The following NPAS3 variants were observed in gnomAD, a reference collection of about 807,000 sequenced individuals.
NPAS3 encodes the protein neuronal PAS domain protein 3.
Under a neutral mutation model 73.1 loss-of-function variants are expected in NPAS3, and 14 were observed. The ratio of observed to expected loss-of-function variants is 0.19; its 90% confidence interval spans 0.13 to 0.30. NPAS3 has a LOEUF of 0.30. Ranked by LOEUF, NPAS3 falls within the 10% of genes least tolerant of loss-of-function variation. The pLI is 1.00. For synonymous variants in NPAS3, 620 were observed against 541.5 expected, an observed-to-expected ratio of 1.14 and a Z score of -2.01; for missense variants, 1,096 against 1,250.0, an observed-to-expected ratio of 0.88 and a Z score of 1.86.
chr14:33,065,741 G>A (rs1297990699), intron 2 of NPAS3, among the ~76,000 whole-genome samples: 1 of 151,880 alleles, frequency 6.6e-6, no homozygotes, highest in Non-Finnish European at 1.5e-5. Context: ...CCAATGAGAA[G>A]AGGCCTATTT....
chr14:33,173,693 T>C (rs1205632842), intron 2 of NPAS3, among the ~76,000 whole-genome samples: 1 of 152,216 alleles, frequency 6.6e-6, no homozygotes, highest in Non-Finnish European at 1.5e-5. Context: ...TGACTTTTTA[T>C]ACTTTGAATG....
At chr14:33,557,386 T>A (rs2055408451) in intron 4 of NPAS3, among the ~76,000 whole-genome samples, 1 of 152,184 alleles carries the variant, frequency 6.6e-6, no homozygotes, top group Admixed American at 6.5e-5. Context: ...CCCTCTGTCT[T>A]CTACCCACAA....
intron 4 of NPAS3, among the ~76,000 whole-genome samples, chr14:33,496,910 G>T (rs776578847): frequency 6.6e-5 from 10 of 151,882 alleles, no homozygotes; most frequent in Non-Finnish European, 1.0e-4. Context: ...AAGTCAAATT[G>T]TCTGTTTACA....
At chr14:33,522,602 C>T (rs1027594449) in intron 4 of NPAS3, among the ~76,000 whole-genome samples, 6 of 151,892 alleles carry the variant, frequency 4.0e-5, no homozygotes, top group African/African-American at 1.5e-4. Flanking sequence ...GAAACAATAC[C>T]CCCATTTTTC....
At chr14:33,057,719 C>T (rs1267169249) in intron 2 of NPAS3, among the ~76,000 whole-genome samples, 1 of 152,148 alleles carries the variant, frequency 6.6e-6, no homozygotes, top group African/African-American at 2.4e-5. Flanking sequence ...GGCAGCACAG[C>T]TGTGACTGCC....
At chr14:33,684,674 A>G (rs1487837808) in intron 6 of NPAS3, among the ~76,000 whole-genome samples, 4 of 152,208 alleles carry the variant, frequency 2.6e-5, no homozygotes, top group African/African-American at 9.6e-5. Flanking sequence ...CATTATAGGC[A>G]CAGTTCAACC....
chr14:33,197,529 A>G (rs965178204), intron 2 of NPAS3, among the ~76,000 whole-genome samples: 4 of 152,162 alleles, frequency 2.6e-5, no homozygotes, highest in African/African-American at 7.2e-5. Flanking sequence ...TGTCAGAAAA[A>G]AAAAAGAGAA....
intron 1 of NPAS3, among the ~76,000 whole-genome samples, chr14:32,956,844 A>G (rs377347238): frequency 2.6e-5 from 4 of 152,206 alleles, no homozygotes; most frequent in African/African-American, 9.6e-5. Context: ...ACACATCTAA[A>G]ATATGCCCCC....
chr14:32,995,486 T>C (rs1798014739), intron 1 of NPAS3, among the ~76,000 whole-genome samples: 1 of 152,204 alleles, frequency 6.6e-6, no homozygotes, highest in Non-Finnish European at 1.5e-5. Flanking sequence ...CTTTAAAAGC[T>C]TCCACTGGTG....
At chr14:33,492,030 A>AG (rs1446982145) in intron 4 of NPAS3, among the ~76,000 whole-genome samples, 1 of 152,140 alleles carries the variant, frequency 6.6e-6, no homozygotes, top group Admixed American at 6.6e-5. Flanking sequence ...CTACAGTTTG[A>AG]GTTTTTCTTG....
At chr14:33,414,441 C>T (rs762099813) in intron 4 of NPAS3, among the ~76,000 whole-genome samples, 23 of 151,994 alleles carry the variant, frequency 1.5e-4, no homozygotes, top group African/African-American at 4.3e-4. Flanking sequence ...ATATCATGAG[C>T]GGTTCAAAGA....
rs186980956 is a variant in NPAS3, at chr14:32,943,846, G to A, written c.50+4480G>A. On this transcript the variant is annotated intron_variant, in intron 1 of 11. Coordinates refer to ENST00000356141, the Ensembl canonical transcript of NPAS3. ...TGGGACTACAGGCACATGCCAATACGCCCAGCTAATTTTTGTATTTTTAGT... is the reference window on the plus strand; with the variant it reads ...TGGGACTACAGGCACATGCCAATACACCCAGCTAATTTTTGTATTTTTAGT... Among the ~76,000 whole-genome samples the A allele has an allele frequency of 6.4e-4, 97 of 151,968 alleles. 2 individuals are homozygous for A. In the East Asian group the frequency reaches 0.013, roughly 20 times the overall value.
chr14:33,758,344 C>A (rs964392085), intron 7 of NPAS3, among the ~76,000 whole-genome samples: 5 of 152,210 alleles, frequency 3.3e-5, no homozygotes, highest in Admixed American at 3.3e-4. Flanking sequence ...AATGCTGCCT[C>A]CTCCCTGAAA....
At chr14:33,329,322 A>G (rs977655823) in intron 3 of NPAS3, among the ~76,000 whole-genome samples, 1 of 152,170 alleles carries the variant, frequency 6.6e-6, no homozygotes, top group Non-Finnish European at 1.5e-5. Context: ...CGCTACCAGC[A>G]TGACTTGGGG....
intron 1 of NPAS3, among the ~76,000 whole-genome samples, chr14:33,013,252 T>A (rs1277305766): frequency 6.6e-6 from 1 of 152,166 alleles, no homozygotes; most frequent in Non-Finnish European, 1.5e-5. Flanking sequence ...TCCCTAGAGG[T>A]TGTCTTGTCT....
At chr14:33,327,560 T>C (rs958008755) in intron 3 of NPAS3, among the ~76,000 whole-genome samples, 12 of 152,182 alleles carry the variant, frequency 7.9e-5, no homozygotes, top group African/African-American at 2.9e-4. Context: ...AGAAAAGATA[T>C]ATTACATTAT....
At chr14:33,308,751 A>T (rs1225192431) in intron 3 of NPAS3, among the ~76,000 whole-genome samples, 3 of 151,976 alleles carry the variant, frequency 2.0e-5, no homozygotes, top group Non-Finnish European at 2.9e-5. Flanking sequence ...AAATAACCAC[A>T]AATAACTGTT....
At chr14:33,397,216 TG>T (rs1449647314) in intron 4 of NPAS3, among the ~76,000 whole-genome samples, 1 of 152,170 alleles carries the variant, frequency 6.6e-6, no homozygotes, top group African/African-American at 2.4e-5. Flanking sequence ...TCTTAACTCC[TG>T]GAAGAGAGGC....
intron 7 of NPAS3, among the ~76,000 whole-genome samples, chr14:33,756,822 C>A (rs1490895679): frequency 6.6e-6 from 1 of 152,118 alleles, no homozygotes; most frequent in Non-Finnish European, 1.5e-5. Flanking sequence ...GAGTCAGAGA[C>A]AAAGGCAGAG....
Sources: allele counts gnomAD v4.1 joint callset (sites outside exome capture counted in the v4.1 genomes callset), GRCh38; gene constraint gnomAD v4.1.1; transcripts MANE v1.5; gene names NCBI Gene and HGNC (gene_info 2026-07-23, HGNC 2026-07-21).